KALRN: variants seen among roughly 807,000 people sequenced by gnomAD.
KALRN encodes the protein kalirin RhoGEF kinase, also known as kalirin.
In KALRN, 70 loss-of-function variants were observed where a neutral mutation model predicts 353.7. The ratio of observed to expected loss-of-function variants is 0.20; its 90% CI spans 0.16 to 0.24. KALRN has a LOEUF of 0.24. Among genes scored for constraint, KALRN ranks in the 10% least tolerant of loss-of-function variants. The pLI, the probability that KALRN is intolerant of heterozygous loss-of-function variation, is 1.00. For synonymous variants in KALRN, 1,391 were observed against 1,434.8 expected (o/e 0.97, Z 0.69); for missense variants, 2,791 against 3,756.7 (o/e 0.74, Z 6.72).
chr3:124,046,983 CTT>C (rs201245508), intron 1 of KALRN, among the ~76,000 whole-genome samples: 23 of 116,886 alleles, frequency 2.0e-4, no homozygotes, highest in African/African-American at 5.9e-4. Flanking sequence ...GGAAATGTAT[CTT>C]TTTTTTTTTT....
chr3:124,157,804 G>A (rs1356954241), intron 1 of KALRN, among the ~76,000 whole-genome samples: 5 of 152,154 alleles, frequency 3.3e-5, no homozygotes, highest in Non-Finnish European at 7.3e-5. Flanking sequence ...AGAGGAGAGT[G>A]TGTCTTTTCT....
At chr3:124,563,126 G>A in intron 34 of KALRN, 37 bp downstream of exon 34, 2 of 1,354,758 alleles carry the variant, frequency 1.5e-6, no homozygotes, top group Non-Finnish European at 2.0e-6. Flanking sequence ...ACAGACCAAG[G>A]AGGCCATGAG....
At chr3:124,612,305 G>A (rs924320718) in intron 34 of KALRN, among the ~76,000 whole-genome samples, 3 of 152,202 alleles carry the variant, frequency 2.0e-5, no homozygotes, top group African/African-American at 7.2e-5. Context: ...CCGGATTCAA[G>A]CAATTCTCCT....
intron 5 of KALRN, among the ~76,000 whole-genome samples, chr3:124,287,514 C>A (rs1292774487): frequency 6.6e-6 from 1 of 151,392 alleles, no homozygotes; most frequent in Non-Finnish European, 1.5e-5. Flanking sequence ...AGGAAAATAT[C>A]CTCAGGGAGA....
intron 38 of KALRN, among the ~76,000 whole-genome samples, chr3:124,651,206 A>G (rs1480132949): frequency 1.3e-5 from 2 of 152,232 alleles, no homozygotes; most frequent in African/African-American, 4.8e-5. Context: ...TTTAAAACAT[A>G]GTGATAAAAG....
intron 1 of KALRN, among the ~76,000 whole-genome samples, chr3:124,201,267 G>C (rs192210795): frequency 6.6e-6 from 1 of 152,176 alleles, no homozygotes; most frequent in South Asian, 2.1e-4. Context: ...AGAGCTTTCC[G>C]TGACTCTCTG....
At chr3:124,048,452 A>C (rs543110164) in intron 1 of KALRN, among the ~76,000 whole-genome samples, 1 of 151,742 alleles carries the variant, frequency 6.6e-6, no homozygotes, top group South Asian at 2.1e-4. Context: ...ATAATCATGG[A>C]CATTTTTCTA....
chr3:124,118,405 G>C (rs4678086), intron 1 of KALRN, among the ~76,000 whole-genome samples: 25,514 of 151,956 alleles, frequency 0.17, 2,491 homozygotes, highest in East Asian at 0.45. Context: ...TAGCAACTTA[G>C]TTAGGATTAT....
intron 34 of KALRN, among the ~76,000 whole-genome samples, chr3:124,618,574 CAT>C (rs1258822882): frequency 6.6e-6 from 1 of 152,104 alleles, no homozygotes; most frequent in East Asian, 1.9e-4. Context: ...TGTTTATGTT[CAT>C]ACCATCTGAA....
At chr3:124,654,198 T>C (rs2083730177) in intron 38 of KALRN, among the ~76,000 whole-genome samples, 1 of 152,222 alleles carries the variant, frequency 6.6e-6, no homozygotes, top group South Asian at 2.1e-4. Context: ...ATTTAAATGC[T>C]TTCATTTGGC....
chr3:124,387,272 G>A (rs1004636947), intron 11 of KALRN, among the ~76,000 whole-genome samples: 4 of 152,176 alleles, frequency 2.6e-5, no homozygotes, highest in Admixed American at 2.0e-4. Context: ...TTCCTCACTG[G>A]AACTCAGCTA....
chr3:124,502,391 T>G (rs2064693746), intron 33 of KALRN, among the ~76,000 whole-genome samples: 2 of 152,046 alleles, frequency 1.3e-5, no homozygotes, highest in Non-Finnish European at 2.9e-5. Context: ...TTTGTGTCGG[T>G]TGTGAGCTGT....
chr3:124,290,071 G>A (rs1342871130), intron 5 of KALRN, among the ~76,000 whole-genome samples: 1 of 152,206 alleles, frequency 6.6e-6, no homozygotes, highest in Non-Finnish European at 1.5e-5. Context: ...GGATTGGTAA[G>A]CTTTCAAAAT....
chr3:124,034,059 T>C (rs1484321824), intron 1 of KALRN, among the ~76,000 whole-genome samples: 1 of 152,114 alleles, frequency 6.6e-6, no homozygotes, highest in Admixed American at 6.5e-5. Flanking sequence ...GGAGTCTGTG[T>C]TGGGGAGGTG....
intron 1 of KALRN, chr3:124,094,890 G>A (rs1306357826): frequency 1.9e-6 from 3 of 1,613,958 alleles, no homozygotes; most frequent in Non-Finnish European, 2.5e-6. Context: ...CGCTTGCTCC[G>A]GCTGCTGGAT....
chr3:124,400,185 C>A (rs2090684319), intron 13 of KALRN, among the ~76,000 whole-genome samples: 1 of 152,064 alleles, frequency 6.6e-6, no homozygotes. Flanking sequence ...TAATCCAACT[C>A]AGTACAAGAG....
intron 13 of KALRN, chr3:124,410,185 C>T (rs372723805): frequency 2.0e-4 from 105 of 531,888 alleles, no homozygotes; most frequent in South Asian, 1.3e-3. Context: ...AGCCCTCTGA[C>T]GTGACTCTCT....
intron 1 of KALRN, among the ~76,000 whole-genome samples, chr3:124,035,519 C>T (rs975712668): frequency 6.6e-6 from 1 of 152,168 alleles, no homozygotes; most frequent in African/African-American, 2.4e-5. Context: ...TTTCTGGACT[C>T]CACTTTTACC....
intron 33 of KALRN, among the ~76,000 whole-genome samples, chr3:124,513,947 A>C (rs1419133058): frequency 1.3e-5 from 2 of 152,194 alleles, no homozygotes; most frequent in African/African-American, 4.8e-5. Flanking sequence ...CATGAGCAGC[A>C]AACACAAACA....
Sources: allele counts gnomAD v4.1 joint callset (sites outside exome capture counted in the v4.1 genomes callset), GRCh38; gene constraint gnomAD v4.1.1; transcripts MANE v1.5; gene names NCBI Gene and HGNC (gene_info 2026-07-23, HGNC 2026-07-21).